STS: variants seen among roughly 807,000 people sequenced by gnomAD.
STS encodes steryl-sulfatase.
STS carries 7 observed loss-of-function variants against 26.8 expected under a neutral mutation model. The ratio of observed to expected loss-of-function variants is 0.26; its 90% CI spans 0.15 to 0.49. The LOEUF is 0.49. Ranked by LOEUF, STS falls within the 20% of genes least tolerant of loss-of-function variation. The pLI is 0.98. For missense variants in STS, 434 were observed against 465.6 expected, an observed-to-expected ratio of 0.93 and a Z score of 0.63; for synonymous variants, 199 against 189.4, an observed-to-expected ratio of 1.05 and a Z score of -0.42.
intron 2 of STS, among the ~76,000 whole-genome samples, chrX:7,236,499 G>C (rs182148508): frequency 1.3e-4 from 15 of 112,118 alleles, no homozygotes; most frequent in Non-Finnish European, 2.6e-4. Context: ...TCTGTTTTGG[G>C]CTGGGTTTTT....
chrX:7,258,521 C>T (rs367702839), intron 5 of STS, among the ~76,000 whole-genome samples: 1 of 111,712 alleles, frequency 9.0e-6, no homozygotes. Flanking sequence ...GGTTGACACA[C>T]CCACTGATTT....
At position 7,350,004 on chromosome X, in the gene STS, C is replaced by G. The variant is rs1273304749; in HGVS notation, c.1480C>G (p.Pro494Ala). The change falls in exon 11 of 11, where the codon CCA becomes GCA. Residue 494 changes from proline to alanine, a missense_variant. By Grantham distance (27) the Pro-to-Ala change is conservative. This residue lies in a region of STS where 205 missense variants were observed against 177.3 expected (regional missense o/e 1.16). Coordinates refer to ENST00000674429, the MANE Select transcript of STS (RefSeq NM_001320752.2). ...CFGSYVTHHD[P>A]PLLFDISKDP... ...CGGGAGTTATGTCACCCATCACGAC[C>G]CACCTTTACTCTTTGATATTTCCAA... 3 of 1,210,059 alleles carry G rather than the reference C, an allele frequency of 2.5e-6. No homozygotes were observed. The highest frequency in any genetic ancestry group is 3.4e-6 in the Non-Finnish European group (3 of 895,207).
At chrX:7,248,918 T>G (rs1923012866) in intron 2 of STS, among the ~76,000 whole-genome samples, 1 of 111,046 alleles carries the variant, frequency 9.0e-6, no homozygotes, top group Admixed American at 9.6e-5. Context: ...ACCACCCATT[T>G]TTAATGGGAG....
chrX:7,148,126 T>C, intron 1 of STS, 43 bp downstream of exon 1: 1 of 1,101,475 alleles, frequency 9.1e-7, no homozygotes, highest in East Asian at 3.8e-5. Flanking sequence ...TGGCGCCTTC[T>C]GGGTCTGGGT....
intron 1 of STS, among the ~76,000 whole-genome samples, chrX:7,170,566 T>C (rs1244561262): frequency 9.0e-6 from 1 of 110,756 alleles, no homozygotes. Flanking sequence ...GCCTCCCAAG[T>C]AGTTGAGATT....
intron 2 of STS, among the ~76,000 whole-genome samples, chrX:7,208,723 A>G (rs1442134830): frequency 9.0e-6 from 1 of 111,449 alleles, no homozygotes; most frequent in Admixed American, 9.6e-5. Flanking sequence ...AACACGTTAT[A>G]GTGAACTGAG....
chrX:7,176,309 T>G (rs1408168001), intron 1 of STS, among the ~76,000 whole-genome samples: 1 of 111,363 alleles, frequency 9.0e-6, no homozygotes, highest in Non-Finnish European at 1.9e-5. Flanking sequence ...ATGCCTTTTG[T>G]GCAAAGTAGA....
At chrX:7,156,715 C>T (rs1933142730) in intron 1 of STS, among the ~76,000 whole-genome samples, 3 of 112,005 alleles carry the variant, frequency 2.7e-5, no homozygotes, top group African/African-American at 9.7e-5. Flanking sequence ...AATGCAGTGG[C>T]TGTGATTAAA....
At chrX:7,183,011 G>A (rs891552691) in intron 1 of STS, among the ~76,000 whole-genome samples, 2 of 111,878 alleles carry the variant, frequency 1.8e-5, no homozygotes, top group African/African-American at 3.3e-5. Context: ...AGACACTCGC[G>A]GAGGCATGAT....
At chrX:7,253,036 A>G (rs1198266284) in intron 2 of STS, among the ~76,000 whole-genome samples, 160 bp from the exon 3 acceptor site, 2 of 111,277 alleles carry the variant, frequency 1.8e-5, no homozygotes, top group African/African-American at 6.6e-5. Flanking sequence ...CTATAGTCCC[A>G]GGTACTTGGG....
At chrX:7,348,669 C>T (rs1928632221) in intron 10 of STS, among the ~76,000 whole-genome samples, 1 of 111,980 alleles carries the variant, frequency 8.9e-6, no homozygotes, top group Non-Finnish European at 1.9e-5. Flanking sequence ...TTAGTTTTTC[C>T]TAGCAATTTC....
chrX:7,299,315 T>A (rs1458811199), intron 7 of STS, among the ~76,000 whole-genome samples: 7 of 98,832 alleles, frequency 7.1e-5, no homozygotes, highest in Non-Finnish European at 1.4e-4. Context: ...ATAATTATAT[T>A]AATTAAATTT....
chrX:7,299,173 A>C (rs1260163253), intron 7 of STS, among the ~76,000 whole-genome samples: 1 of 95,926 alleles, frequency 1.0e-5, no homozygotes, highest in East Asian at 3.0e-4. Context: ...AAATTTATAT[A>C]TAAAGTATAT....
At chrX:7,317,922 G>A (rs144427030) in intron 8 of STS, among the ~76,000 whole-genome samples, 1,437 of 111,831 alleles carry the variant, frequency 0.013, 22 homozygotes, top group African/African-American at 0.044. Context: ...TTTCTGTAGG[G>A]CGTAATCTCC....
At position 7,260,403 on chromosome X, in the gene STS, TTTTG is replaced by T. The variant is rs549904259; in HGVS notation, c.806+648_806+651del. ...GGAGGTGTCAGATATCCCACTGGTT[TTTTG>T]TTTGTTTGTTTGTTTGAGAGGGAAT... On this transcript the variant is annotated intron_variant, in intron 6 of 10. Transcript: ENST00000674429. 8.4e-4 allele frequency among the ~76,000 whole-genome samples: 93 copies of T among 111,019 alleles called. 2 individuals carry two copies. In the South Asian group the frequency reaches 0.033, roughly 40 times the overall value.
intron 6 of STS, among the ~76,000 whole-genome samples, chrX:7,270,845 C>T (rs1924233522): frequency 2.7e-5 from 3 of 112,021 alleles, no homozygotes; most frequent in Non-Finnish European, 5.6e-5. Context: ...TCTTTCAGTC[C>T]TCATGAACCA....
intron 3 of STS, among the ~76,000 whole-genome samples, chrX:7,253,546 A>C (rs771076599): frequency 8.9e-6 from 1 of 112,346 alleles, no homozygotes; most frequent in Non-Finnish European, 1.9e-5. Context: ...GAGCTGGATG[A>C]GCTCAGGGAG....
intron 2 of STS, among the ~76,000 whole-genome samples, chrX:7,205,029 T>C (rs577533956): frequency 1.8e-5 from 2 of 111,968 alleles, no homozygotes; most frequent in South Asian, 7.3e-4. Flanking sequence ...GGTGCTTCTG[T>C]TGCCTGTTGT....
At chrX:7,279,886 G>A (rs1199948251) in intron 7 of STS, among the ~76,000 whole-genome samples, 1 of 111,279 alleles carries the variant, frequency 9.0e-6, no homozygotes, top group African/African-American at 3.3e-5. Context: ...TCCCTGTGCA[G>A]CAGGTGATGT....
Sources: allele counts gnomAD v4.1 joint callset (sites outside exome capture counted in the v4.1 genomes callset), GRCh38; gene constraint gnomAD v4.1.1; regional missense constraint gnomAD v4.1.1; transcripts MANE v1.5; gene names NCBI Gene and HGNC (gene_info 2026-07-23, HGNC 2026-07-21).